The following IQCJ variants were observed in gnomAD, a reference collection of about 807,000 sequenced individuals.
IQCJ encodes IQ motif containing J, also known as IQ domain-containing protein J.
Under a neutral mutation model 11.0 loss-of-function variants are expected in IQCJ, and 9 were observed. The ratio of observed to expected loss-of-function variants is 0.82; its 90% CI spans 0.49 to 1.43. The LOEUF (loss-of-function observed/expected upper bound fraction) is 1.43, where lower values mean the gene tolerates loss of function less well. IQCJ is among the 40% of genes most tolerant of loss of function. The pLI is 0.00. For synonymous variants in IQCJ, 55 were observed against 51.3 expected, an observed-to-expected ratio of 1.07 and a Z score of -0.31; for missense variants, 146 against 133.2, an observed-to-expected ratio of 1.10 and a Z score of -0.47.
intron 1 of IQCJ, among the ~76,000 whole-genome samples, chr3:159,195,043 G>A (rs986316987): frequency 3.9e-5 from 6 of 152,096 alleles, no homozygotes; most frequent in South Asian, 2.1e-4. Context: ...CCCGGGAGGC[G>A]GAGGTTGCAG....
chr3:159,238,989 C>T (rs368627308), intron 1 of IQCJ, among the ~76,000 whole-genome samples: 1 of 152,046 alleles, frequency 6.6e-6, no homozygotes, highest in South Asian at 2.1e-4. Context: ...ATGATATTGC[C>T]AGATATAAAA....
At chr3:159,231,922 G>T (rs1191826153) in intron 1 of IQCJ, among the ~76,000 whole-genome samples, 4 of 152,172 alleles carry the variant, frequency 2.6e-5, no homozygotes, top group Non-Finnish European at 5.9e-5. Context: ...TTGCATAGAG[G>T]TGTTTATAAT....
chr3:159,229,551 A>G (rs1224785802), intron 1 of IQCJ, among the ~76,000 whole-genome samples: 1 of 151,802 alleles, frequency 6.6e-6, no homozygotes, highest in Non-Finnish European at 1.5e-5. Flanking sequence ...CTAACACTTG[A>G]TTACGTTTTT....
intron 1 of IQCJ, among the ~76,000 whole-genome samples, chr3:159,137,605 G>A (rs1006202750): frequency 6.6e-6 from 1 of 152,096 alleles, no homozygotes; most frequent in Non-Finnish European, 1.5e-5. Context: ...GCAAATAACT[G>A]TATAACTTTA....
chr3:159,191,497 G>A (rs1418542528), intron 1 of IQCJ, among the ~76,000 whole-genome samples: 1 of 152,102 alleles, frequency 6.6e-6, no homozygotes. Context: ...TCCTGAGGCC[G>A]ACAGAACAAG....
chr3:159,260,284 A>C (rs1302004558), intron 3 of IQCJ, among the ~76,000 whole-genome samples: 1 of 152,132 alleles, frequency 6.6e-6, no homozygotes, highest in African/African-American at 2.4e-5. Context: ...AAAATGTAGT[A>C]TCTCAAATGG....
intron 1 of IQCJ, among the ~76,000 whole-genome samples, chr3:159,115,710 A>G (rs183637235): frequency 1.3e-5 from 2 of 152,316 alleles, no homozygotes; most frequent in African/African-American, 2.4e-5. Flanking sequence ...TGGGGATCCT[A>G]CAAGAGGTAA....
intron 1 of IQCJ, among the ~76,000 whole-genome samples, chr3:159,072,156 A>G (rs751914262): frequency 6.6e-6 from 1 of 152,124 alleles, no homozygotes; most frequent in Admixed American, 6.6e-5. Flanking sequence ...GACACCTTCA[A>G]TATGGTTTGA....
rs968997121 is a variant in IQCJ at position 159,263,524 on chromosome 3, T to G, written c.*793T>G. On this transcript the variant is annotated 3_prime_UTR_variant, in exon 4 of 4. Coordinates refer to ENST00000397832, the MANE Select transcript of IQCJ (RefSeq NM_001042706.3). ...CAGGATTTTGTGGATTTAAGCATTGTGATAATTTGTAACCAGTCACTGAAA... is the reference window on the plus strand; with the variant it reads ...CAGGATTTTGTGGATTTAAGCATTGGGATAATTTGTAACCAGTCACTGAAA... The G allele has an allele frequency of 6.1e-5, 60 of 984,898 alleles. No homozygotes were observed. Among genetic ancestry groups the G allele is most frequent in the Non-Finnish European group, 7.0e-5 (58 of 829,578 alleles). The allele number at this position is 984,898 out of a possible 1,614,324, so 61.0% of individuals were successfully genotyped here. A position where few individuals can be genotyped will look rare whatever the true frequency, so the allele number is the denominator to read the frequency against.
chr3:159,077,147 G>T (rs932331245), intron 1 of IQCJ, among the ~76,000 whole-genome samples: 2 of 152,074 alleles, frequency 1.3e-5, no homozygotes, highest in Non-Finnish European at 2.9e-5. Flanking sequence ...TTTTAATCCA[G>T]TGTCTGCTGA....
intron 1 of IQCJ, among the ~76,000 whole-genome samples, chr3:159,128,872 T>C (rs1719829903): frequency 6.6e-6 from 1 of 152,208 alleles, no homozygotes; most frequent in East Asian, 1.9e-4. Flanking sequence ...TCCATCCAAA[T>C]GATGTAGCCC....
chr3:159,074,519 T>C (rs990625355), intron 1 of IQCJ, among the ~76,000 whole-genome samples: 5 of 152,142 alleles, frequency 3.3e-5, no homozygotes, highest in African/African-American at 1.2e-4. Context: ...AACCATCTCA[T>C]TTATTTCCCC....
At chr3:159,082,211 T>A (rs973368697) in intron 1 of IQCJ, among the ~76,000 whole-genome samples, 2 of 152,128 alleles carry the variant, frequency 1.3e-5, no homozygotes, top group Non-Finnish European at 2.9e-5. Flanking sequence ...TATAATAAAC[T>A]ATTACATAAG....
chr3:159,159,421 T>A (rs143198079), intron 1 of IQCJ, among the ~76,000 whole-genome samples: 71 of 152,304 alleles, frequency 4.7e-4, no homozygotes, highest in Admixed American at 2.3e-3. Flanking sequence ...AGTCTCTCCA[T>A]GATCAAGGCT....
At position 159,209,542 on chromosome 3, in the gene IQCJ, G is replaced by T. The variant is rs554301301; in HGVS notation, c.10-36301G>T. ...CCTCCACTGAGCTGGTTAACACTTA[G>T]CTATCCACAAACAGCAACTGCTAAA... On this transcript the variant is annotated intron_variant, in intron 1 of 3. Transcript: ENST00000397832. Among the ~76,000 whole-genome samples the T allele has an allele frequency of 5.2e-4, 79 of 152,278 alleles. 1 individual carries two copies. The highest frequency in any genetic ancestry group is 1.3e-4 in the Non-Finnish European group (9 of 68,026).
intron 1 of IQCJ, among the ~76,000 whole-genome samples, chr3:159,113,833 A>G (rs910615498): frequency 6.6e-6 from 1 of 151,728 alleles, no homozygotes; most frequent in Non-Finnish European, 1.5e-5. Context: ...AATAAGATGA[A>G]TGATATCATA....
Position 159,117,066 on chromosome 3 carries a change from G to A in IQCJ, c.9+47625G>A, listed in dbSNP as rs919835848. On this transcript the variant is annotated intron_variant, in intron 1 of 3. Coordinates refer to ENST00000397832, the MANE Select transcript of IQCJ (RefSeq NM_001042706.3). The stretch of plus-strand genomic sequence containing the variant: ...TACATTTTTGTTATACTACTCTTCC[G>A]TAAAACATTTTGAAAGAGTAATGTC... Among the ~76,000 whole-genome samples, 4 of 152,128 alleles carry A rather than the reference G, an allele frequency of 2.6e-5. 1 individual carries two copies. Among genetic ancestry groups the A allele is most frequent in the South Asian group, 4.2e-4 (2 of 4,816 alleles).
chr3:159,197,388 T>C (rs1036485454), intron 1 of IQCJ, among the ~76,000 whole-genome samples: 5 of 152,228 alleles, frequency 3.3e-5, no homozygotes, highest in Non-Finnish European at 7.3e-5. Context: ...TTCTAAGCTA[T>C]TGCTCTAGTT....
intron 1 of IQCJ, among the ~76,000 whole-genome samples, chr3:159,230,869 A>G (rs772302501): frequency 6.6e-6 from 1 of 152,170 alleles, no homozygotes; most frequent in South Asian, 2.1e-4. Flanking sequence ...AATAGTGACT[A>G]TGTGTATTAT....
Sources: allele counts gnomAD v4.1 joint callset (sites outside exome capture counted in the v4.1 genomes callset), GRCh38; gene constraint gnomAD v4.1.1; transcripts MANE v1.5; gene names NCBI Gene and HGNC (gene_info 2026-07-23, HGNC 2026-07-21).